The following RBFOX1 variants were observed in gnomAD, a reference collection of about 807,000 sequenced individuals.
RBFOX1 encodes RNA binding fox-1 homolog 1.
A neutral mutation model predicts 57.7 loss-of-function variants in RBFOX1; 8 were observed. The ratio of observed to expected loss-of-function variants is 0.14; its 90% CI spans 0.08 to 0.25. The LOEUF (loss-of-function observed/expected upper bound fraction) is 0.25. RBFOX1 is among the 10% of genes least tolerant of loss of function. The pLI is 1.00. For synonymous variants in RBFOX1, 326 were observed against 222.4 expected (o/e 1.47, Z -4.15); for missense variants, 611 against 548.5 (o/e 1.11, Z -1.14).
intron 1 of RBFOX1, among the ~76,000 whole-genome samples, chr16:6,079,317 T>A (rs1482436793): frequency 6.6e-6 from 1 of 151,272 alleles, no homozygotes; most frequent in Non-Finnish European, 1.5e-5. Flanking sequence ...AAATAAAAAA[T>A]AAAATAAATA....
intron 3 of RBFOX1, among the ~76,000 whole-genome samples, chr16:5,821,894 G>A (rs1047641369): frequency 6.6e-6 from 1 of 152,184 alleles, no homozygotes; most frequent in African/African-American, 2.4e-5. Flanking sequence ...AAGGCACGGA[G>A]CCTTCATGGC....
intron 3 of RBFOX1, among the ~76,000 whole-genome samples, chr16:5,715,181 A>C (rs1030340998): frequency 2.6e-5 from 4 of 152,230 alleles, no homozygotes; most frequent in African/African-American, 9.6e-5. Flanking sequence ...GTTACAAACA[A>C]GATAATATAC....
chr16:7,350,063 C>G (rs1018478268), intron 4 of RBFOX1, among the ~76,000 whole-genome samples: 6 of 152,120 alleles, frequency 3.9e-5, no homozygotes, highest in African/African-American at 1.2e-4. Flanking sequence ...GGGAGAATCA[C>G]TTGAACTTGG....
intron 4 of RBFOX1, among the ~76,000 whole-genome samples, chr16:7,398,776 G>A (rs2098185694): frequency 6.6e-6 from 1 of 152,210 alleles, no homozygotes; most frequent in Non-Finnish European, 1.5e-5. Context: ...GTGGCTGGGG[G>A]CCAGCTATTT....
At chr16:6,115,692 C>T (rs1032831881) in intron 1 of RBFOX1, among the ~76,000 whole-genome samples, 1 of 152,172 alleles carries the variant, frequency 6.6e-6, no homozygotes, top group African/African-American at 2.4e-5. Context: ...GCCGAACAGT[C>T]TTTCTTGCAA....
intron 4 of RBFOX1, among the ~76,000 whole-genome samples, chr16:7,155,998 T>C (rs553284965): frequency 6.6e-6 from 1 of 151,752 alleles, no homozygotes; most frequent in South Asian, 2.1e-4. Flanking sequence ...GTTTTATATA[T>C]ATATCTACAC....
At chr16:5,780,659 C>T (rs867378012) in intron 3 of RBFOX1, among the ~76,000 whole-genome samples, 1 of 152,156 alleles carries the variant, frequency 6.6e-6, no homozygotes, top group Non-Finnish European at 1.5e-5. Flanking sequence ...GCCTCCTCTC[C>T]TGCTTTGTAT....
intron 4 of RBFOX1, among the ~76,000 whole-genome samples, chr16:7,269,250 C>T (rs1044756933): frequency 6.6e-6 from 1 of 152,052 alleles, no homozygotes; most frequent in African/African-American, 2.4e-5. Flanking sequence ...TCCTGCTAGA[C>T]ATAGACACAT....
chr16:5,863,057 T>C (rs1011164550), intron 3 of RBFOX1, among the ~76,000 whole-genome samples: 4 of 152,034 alleles, frequency 2.6e-5, no homozygotes, highest in Admixed American at 2.6e-4. Flanking sequence ...AGCTTTGGAG[T>C]TCGACCTGAG....
intron 4 of RBFOX1, among the ~76,000 whole-genome samples, chr16:7,166,117 G>A (rs2079457376): frequency 6.6e-6 from 1 of 152,112 alleles, no homozygotes; most frequent in Non-Finnish European, 1.5e-5. Flanking sequence ...GGATTCAAGT[G>A]ATTCTCCTGC....
At chr16:6,697,223 A>G (rs975068) in intron 3 of RBFOX1, among the ~76,000 whole-genome samples, 149,460 of 152,304 alleles carry the variant, frequency 0.98, 73,395 homozygotes, top group Middle Eastern at 1. Flanking sequence ...TGGTCACTGT[A>G]GTGGTAGCTG....
chr16:6,538,489 C>G (rs1383116442), intron 2 of RBFOX1, among the ~76,000 whole-genome samples: 2 of 152,188 alleles, frequency 1.3e-5, no homozygotes, highest in East Asian at 3.9e-4. Context: ...AAATCTGTAT[C>G]TCAAAACAAA....
chr16:6,949,942 TG>T (rs201325073), intron 3 of RBFOX1, among the ~76,000 whole-genome samples: 46 of 111,510 alleles, frequency 4.1e-4, no homozygotes, highest in South Asian at 5.9e-4. Flanking sequence ...TACGTTTTTT[TG>T]TTGTTGTTGT....
At chr16:6,410,958 A>G (rs187741414) in intron 2 of RBFOX1, among the ~76,000 whole-genome samples, 6 of 152,282 alleles carry the variant, frequency 3.9e-5, no homozygotes, top group African/African-American at 1.4e-4. Context: ...AGCAGGCATT[A>G]CCTGAACATC....
intron 1 of RBFOX1, among the ~76,000 whole-genome samples, chr16:5,391,887 G>T (rs962644220): frequency 1.4e-5 from 2 of 146,578 alleles, no homozygotes; most frequent in Non-Finnish European, 3.0e-5. Flanking sequence ...GTGTGTGTGT[G>T]TATACACACA....
chr16:7,502,854 G>T (rs2071433733), intron 4 of RBFOX1, among the ~76,000 whole-genome samples: 1 of 151,854 alleles, frequency 6.6e-6, no homozygotes, highest in South Asian at 2.1e-4. Context: ...GAAACTCCCT[G>T]TCTACTAAAA....
chr16:6,287,347 C>T (rs1184713110), intron 1 of RBFOX1, among the ~76,000 whole-genome samples: 2 of 152,106 alleles, frequency 1.3e-5, no homozygotes, highest in African/African-American at 2.4e-5. Flanking sequence ...AAGTGATCTT[C>T]GTTGTTTTCC....
intron 3 of RBFOX1, among the ~76,000 whole-genome samples, chr16:6,844,570 T>TA (rs1463802057): frequency 2.0e-5 from 3 of 152,264 alleles, no homozygotes; most frequent in East Asian, 3.9e-4. Flanking sequence ...CTTTTTTTTT[T>TA]ATCCAGTCTT....
At chr16:6,378,068 G>A (rs562736837) in intron 2 of RBFOX1, among the ~76,000 whole-genome samples, 4 of 152,322 alleles carry the variant, frequency 2.6e-5, no homozygotes, top group African/African-American at 9.6e-5. Context: ...GGCCGTGTAT[G>A]TTTAGAAAGA....
Sources: allele counts gnomAD v4.1 joint callset (sites outside exome capture counted in the v4.1 genomes callset), GRCh38; gene constraint gnomAD v4.1.1; transcripts MANE v1.5; gene names NCBI Gene and HGNC (gene_info 2026-07-23, HGNC 2026-07-21).